Variants in SRGAP1 observed in about 807,000 individuals in gnomAD.
The protein encoded by SRGAP1 is SLIT-ROBO Rho GTPase-activating protein 1.
In SRGAP1, 43 loss-of-function variants were observed where a neutral mutation model predicts 121.9. That is an observed-to-expected ratio of 0.35 (90% CI 0.28 to 0.46). The LOEUF (loss-of-function observed/expected upper bound fraction) is 0.46, where lower values mean the gene tolerates loss of function less well. Ranked by LOEUF, SRGAP1 falls within the 20% of genes least tolerant of loss-of-function variation. The pLI, the probability that SRGAP1 is intolerant of heterozygous loss-of-function variation, is 1.00. For synonymous variants in SRGAP1, 447 were observed against 485.4 expected (o/e 0.92, Z 1.04); for missense variants, 1,102 against 1,350.9 (o/e 0.82, Z 2.89).
At chr12:64,108,894 A>C (rs1457226407) in intron 15 of SRGAP1, 38 bp from the exon 16 acceptor site, 8 of 1,491,284 alleles carry the variant, frequency 5.4e-6, no homozygotes, top group Non-Finnish European at 7.4e-6. Context: ...AAATGTGGCA[A>C]GTGAAAGGAC....
intron 6 of SRGAP1, among the ~76,000 whole-genome samples, chr12:64,048,728 T>C (rs61931201): frequency 6.6e-6 from 1 of 152,082 alleles, no homozygotes; most frequent in Admixed American, 6.5e-5. Context: ...CATTGTAGTT[T>C]TGATTTGCAT....
chr12:63,982,343 A>G (rs1435958786), intron 1 of SRGAP1, among the ~76,000 whole-genome samples: 1 of 152,212 alleles, frequency 6.6e-6, no homozygotes, highest in Non-Finnish European at 1.5e-5. Context: ...AAATCCTTAG[A>G]TAAAGTATTT....
At chr12:63,915,666 G>A (rs1207827353) in intron 1 of SRGAP1, among the ~76,000 whole-genome samples, 1 of 152,142 alleles carries the variant, frequency 6.6e-6, no homozygotes, top group Non-Finnish European at 1.5e-5. Flanking sequence ...TCACACAGGC[G>A]TCCAGAGAAA....
intron 1 of SRGAP1, among the ~76,000 whole-genome samples, chr12:63,958,679 A>C (rs942269897): frequency 3.3e-5 from 5 of 152,156 alleles, no homozygotes; most frequent in African/African-American, 1.2e-4. Flanking sequence ...CTTCAGGCAA[A>C]CTCTTAAGTT....
chr12:63,861,302 A>ATATATTT (rs1184711599), intron 1 of SRGAP1, among the ~76,000 whole-genome samples: 222 of 132,610 alleles, frequency 1.7e-3, no homozygotes, highest in Non-Finnish European at 2.4e-3. Context: ...ATATATATAT[A>ATATATTT]TTTTTTTTTT....
At chr12:63,988,413 T>A (rs2033472023) in intron 2 of SRGAP1, among the ~76,000 whole-genome samples, 1 of 152,162 alleles carries the variant, frequency 6.6e-6, no homozygotes. Context: ...CTGATGGTGT[T>A]AAGAAAAAAG....
Position 64,079,052 on chromosome 12 carries a change from T to A in SRGAP1, c.1259T>A (p.Leu420Gln), listed in dbSNP as rs2035789910. Residue 420 changes from leucine (L) to glutamine (Q), a missense_variant, in exon 9 of 22, where the codon CTG becomes CAG. By Grantham distance (113) the Leu-to-Gln change is moderately radical. Coordinates refer to ENST00000355086, the MANE Select transcript of SRGAP1 (RefSeq NM_020762.4). ...SVKSTVSETYLSKPSIAKRRA... is the reference protein window; with the variant it reads ...SVKSTVSETYQSKPSIAKRRA... ...AAGTCCACTGTCTCTGAAACCTACC[T>A]GAGTAAACCCAGCATCGCCAAGAGA... is the stretch of plus-strand genomic sequence containing the variant. 6.2e-7 allele frequency: 1 copy of A among 1,613,986 alleles called. No individual in the cohort carries two copies. The highest frequency in any genetic ancestry group is 8.5e-7 in the Non-Finnish European group (1 of 1,180,004).
chr12:63,980,135 C>T (rs192190914), intron 1 of SRGAP1, among the ~76,000 whole-genome samples: 1 of 152,304 alleles, frequency 6.6e-6, no homozygotes, highest in Non-Finnish European at 1.5e-5. Flanking sequence ...CCACTATTGC[C>T]TCAAGCTCTA....
chr12:64,056,181 A>G (rs1015178021), intron 6 of SRGAP1, among the ~76,000 whole-genome samples: 1 of 152,096 alleles, frequency 6.6e-6, no homozygotes, highest in Non-Finnish European at 1.5e-5. Flanking sequence ...TTTACCTCCT[A>G]AATGTCCCAA....
chr12:64,141,386 C>T (rs55830336), intron 21 of SRGAP1, among the ~76,000 whole-genome samples: 89 of 151,880 alleles, frequency 5.9e-4, no homozygotes, highest in African/African-American at 2.1e-3. Context: ...TCGAGACCAG[C>T]CTGGCCAACA....
intron 21 of SRGAP1, among the ~76,000 whole-genome samples, chr12:64,139,194 T>A (rs1343237785): frequency 6.6e-6 from 1 of 152,184 alleles, no homozygotes; most frequent in Non-Finnish European, 1.5e-5. Flanking sequence ...GCCTTGTTAT[T>A]GTGACATTAA....
chr12:64,011,083 A>G (rs1355554772), intron 3 of SRGAP1, among the ~76,000 whole-genome samples: 1 of 151,950 alleles, frequency 6.6e-6, no homozygotes, highest in Admixed American at 6.6e-5. Flanking sequence ...AAGTACAGAG[A>G]TGGGAAAGCG....
intron 3 of SRGAP1, among the ~76,000 whole-genome samples, chr12:64,009,401 C>A (rs538537680): frequency 6.6e-6 from 1 of 151,992 alleles, no homozygotes; most frequent in Admixed American, 6.6e-5. Context: ...AAAATGAAGA[C>A]GCTTGTTTCA....
chr12:64,061,236 T>A (rs1400565968), intron 6 of SRGAP1, among the ~76,000 whole-genome samples: 1 of 152,210 alleles, frequency 6.6e-6, no homozygotes, highest in Non-Finnish European at 1.5e-5. Flanking sequence ...TGAAATTCTA[T>A]CTCCAATAAG....
chr12:63,972,562 T>A (rs544845781), intron 1 of SRGAP1, among the ~76,000 whole-genome samples: 1 of 152,226 alleles, frequency 6.6e-6, no homozygotes, highest in Non-Finnish European at 1.5e-5. Context: ...AGTATACTTA[T>A]TGAAACAGAT....
intron 8 of SRGAP1, 88 bp downstream of exon 8, chr12:64,065,307 T>A: frequency 8.7e-7 from 1 of 1,146,884 alleles, no homozygotes; most frequent in South Asian, 1.3e-5. Context: ...ATATTTAATA[T>A]TCAAGATTCA....
chr12:64,032,027 A>G (rs565015550), intron 4 of SRGAP1, among the ~76,000 whole-genome samples: 9 of 152,174 alleles, frequency 5.9e-5, no homozygotes, highest in Non-Finnish European at 8.8e-5. Context: ...TCAATATGCT[A>G]TGGTGTTGCA....
In SRGAP1 at chr12:64,160,109, A is replaced by C. The variant is rs1197413370; in HGVS notation, c.*17437A>C. On this transcript the variant is annotated 3_prime_UTR_variant, in exon 22 of 22. Transcript: ENST00000355086. The stretch of plus-strand genomic sequence containing the variant: ...TAAATCTTGGATCCATCACTTAAAG[A>C]GGCATTTGACCTGTTTCAGTATGGA... The C allele has an allele frequency of 6.6e-6, 1 of 152,198 alleles. No homozygotes were observed. Among genetic ancestry groups the C allele is most frequent in the Non-Finnish European group, 1.5e-5 (1 of 68,022 alleles). The allele number at this position is 152,198 out of a possible 1,614,324, so 9.4% of individuals were successfully genotyped here.
chr12:63,857,836 C>T (rs1260931498), intron 1 of SRGAP1, among the ~76,000 whole-genome samples: 1 of 151,796 alleles, frequency 6.6e-6, no homozygotes, highest in Non-Finnish European at 1.5e-5. Context: ...ATATTTTTGC[C>T]CTAGGCAGAA....
Sources: gnomAD v4.1 joint callset for allele counts (sites outside exome capture counted in the v4.1 genomes callset) on GRCh38, gnomAD v4.1.1 for gene constraint, MANE v1.5 for transcripts, NCBI Gene and HGNC (gene_info 2026-07-23, HGNC 2026-07-21) for gene names.